Variants in LOC128092253 observed in about 807,000 individuals in gnomAD.
the LOC128092253 span, among the ~76,000 whole-genome samples, chr6:133,974,147 C>T: frequency 2.0e-5 from 3 of 152,070 alleles, no homozygotes; most frequent in African/African-American, 7.2e-5. Flanking sequence ...ATTTTTTCTA[C>T]TCTGGCAAAC....
At chr6:133,960,092 A>G in the LOC128092253 span, among the ~76,000 whole-genome samples, 2 of 152,308 alleles carry the variant, frequency 1.3e-5, no homozygotes, top group East Asian at 3.9e-4. Flanking sequence ...TGACTTGTGT[A>G]CATGTACAAC....
the LOC128092253 span, chr6:133,980,046 T>G: frequency 3.7e-6 from 5 of 1,340,374 alleles, no homozygotes; most frequent in Non-Finnish European, 4.9e-6. Context: ...TTAACAACAT[T>G]TAAGTTTAAT....
At chr6:133,957,519 T>C in the LOC128092253 span, among the ~76,000 whole-genome samples, 1 of 152,218 alleles carries the variant, frequency 6.6e-6, no homozygotes, top group South Asian at 2.1e-4. Context: ...ATAAAATGGT[T>C]CCAAAGAATC....
chr6:133,960,291 C>A, the LOC128092253 span, among the ~76,000 whole-genome samples: 5 of 152,096 alleles, frequency 3.3e-5, no homozygotes, highest in South Asian at 2.1e-4. Context: ...GTTCTTTACT[C>A]TTCTTTTGTA....
chr6:133,968,436 T>TA, the LOC128092253 span, among the ~76,000 whole-genome samples: 1 of 152,250 alleles, frequency 6.6e-6, no homozygotes, highest in Non-Finnish European at 1.5e-5. Flanking sequence ...GTCAGTAAAA[T>TA]ACACTTTTTT....
At chr6:133,975,374 A>G in the LOC128092253 span, among the ~76,000 whole-genome samples, 2 of 150,866 alleles carry the variant, frequency 1.3e-5, no homozygotes, top group Non-Finnish European at 3.0e-5. Context: ...GAATTATTTT[A>G]AAACTCTTAA....
At chr6:133,957,789 A>G in the LOC128092253 span, among the ~76,000 whole-genome samples, 1 of 152,228 alleles carries the variant, frequency 6.6e-6, no homozygotes, top group Admixed American at 6.5e-5. Context: ...TACTACTACT[A>G]CGTTACAGGG....
At chr6:133,954,226 C>A in the LOC128092253 span, among the ~76,000 whole-genome samples, 1 of 152,192 alleles carries the variant, frequency 6.6e-6, no homozygotes, top group African/African-American at 2.4e-5. Context: ...CTGTCACCTG[C>A]AGTTCCAAAG....
the LOC128092253 span, among the ~76,000 whole-genome samples, chr6:133,971,146 C>CTT: frequency 3.5e-3 from 503 of 145,608 alleles, 2 homozygotes; most frequent in Non-Finnish European, 6.6e-3. Flanking sequence ...GATGATAACA[C>CTT]TTTTTTTTTT....
At chr6:133,971,247 T>C in the LOC128092253 span, among the ~76,000 whole-genome samples, 1 of 152,168 alleles carries the variant, frequency 6.6e-6, no homozygotes, top group Non-Finnish European at 1.5e-5. Context: ...CCAGGTTCAC[T>C]AACGTCACAA....
At chr6:133,971,856 C>T in the LOC128092253 span, among the ~76,000 whole-genome samples, 1 of 152,088 alleles carries the variant, frequency 6.6e-6, no homozygotes. Context: ...ATAATTTGCA[C>T]ATATTTTCTC....
the LOC128092253 span, among the ~76,000 whole-genome samples, chr6:133,967,379 A>G: frequency 6.6e-6 from 1 of 152,330 alleles, no homozygotes; most frequent in East Asian, 1.9e-4. Context: ...GAGCTTCCAT[A>G]AATCAATAAG....
At chr6:133,967,008 C>T in the LOC128092253 span, among the ~76,000 whole-genome samples, 1 of 152,112 alleles carries the variant, frequency 6.6e-6, no homozygotes, top group Admixed American at 6.5e-5. Context: ...AAATTCTGAA[C>T]GTGGCATAGA....
At chr6:133,963,946 C>CG in the LOC128092253 span, among the ~76,000 whole-genome samples, 115 of 151,294 alleles carry the variant, frequency 7.6e-4, no homozygotes, top group African/African-American at 2.7e-3. Flanking sequence ...GAGGCTGAGG[C>CG]GGGAGAATGG....
At chr6:133,964,669 C>T in the LOC128092253 span, among the ~76,000 whole-genome samples, 3 of 151,954 alleles carry the variant, frequency 2.0e-5, no homozygotes, top group Admixed American at 1.3e-4. Flanking sequence ...AGGATGGTCT[C>T]GATCTCCTGA....
chr6:133,969,193 C>A, the LOC128092253 span, among the ~76,000 whole-genome samples: 1 of 151,534 alleles, frequency 6.6e-6, no homozygotes, highest in East Asian at 1.9e-4. Context: ...TTAAATCTTT[C>A]CCCATCACCT....
the LOC128092253 span, among the ~76,000 whole-genome samples, chr6:133,967,010 T>C: frequency 6.6e-6 from 1 of 152,212 alleles, no homozygotes; most frequent in Non-Finnish European, 1.5e-5. Context: ...ATTCTGAACG[T>C]GGCATAGAAG....
At chr6:133,973,023 A>G in the LOC128092253 span, among the ~76,000 whole-genome samples, 3 of 152,172 alleles carry the variant, frequency 2.0e-5, no homozygotes, top group Admixed American at 2.0e-4. Context: ...TTATACTATC[A>G]AACAGATACG....
At chr6:133,956,921 A>G in the LOC128092253 span, among the ~76,000 whole-genome samples, 1 of 152,226 alleles carries the variant, frequency 6.6e-6, no homozygotes, top group African/African-American at 2.4e-5. Context: ...AGGTTTTTCC[A>G]GGCTACATAG....
Sources: allele counts gnomAD v4.1 joint callset (sites outside exome capture counted in the v4.1 genomes callset), GRCh38; gene constraint gnomAD v4.1.1; transcripts MANE v1.5.